Variants in RYR2 observed in about 807,000 individuals in gnomAD.
RYR2 encodes ryanodine receptor 2, also known as cardiac muscle ryanodine receptor-calcium release channel.
In RYR2, 227 loss-of-function variants were observed where a neutral mutation model predicts 601.1. That is an observed-to-expected ratio of 0.38 (90% CI 0.34 to 0.42). The LOEUF (loss-of-function observed/expected upper bound fraction) is 0.42. Ranked by LOEUF, RYR2 falls within the 10% of genes least tolerant of loss-of-function variation. The pLI, the probability that RYR2 is intolerant of heterozygous loss-of-function variation, is 1.00. For synonymous variants in RYR2, 2,223 were observed against 2,175.1 expected (o/e 1.02, Z -0.61); for missense variants, 4,646 against 6,156.5 (o/e 0.75, Z 8.21).
chr1:237,622,241 A>G (rs1266481315), intron 38 of RYR2, among the ~76,000 whole-genome samples: 2 of 152,318 alleles, frequency 1.3e-5, no homozygotes, highest in East Asian at 1.9e-4. Context: ...CATAAATGGT[A>G]AAGTTTCCCG....
chr1:237,387,973 G>C (rs919476422), intron 9 of RYR2, 114 bp from the exon 10 acceptor site: 30 of 958,744 alleles, frequency 3.1e-5, no homozygotes, highest in Non-Finnish European at 4.3e-5. Flanking sequence ...AGGTCCTTAA[G>C]ACTCACTAGA....
chr1:237,213,924 T>C lies in RYR2; in HGVS notation c.49-56573T>C, dbSNP rs867120092. Among the ~76,000 whole-genome samples, 506 of 136,770 alleles carry C rather than the reference T, an allele frequency of 3.7e-3. 4 individuals are homozygous for C. Among genetic ancestry groups the C allele is most frequent in the African/African-American group, 0.014 (475 of 34,784 alleles). 89.7% of individuals were successfully genotyped at this position (136,770 alleles called of 152,430 possible). A position where few individuals can be genotyped will look rare whatever the true frequency, so the allele number is the denominator to read the frequency against. On this transcript the variant is annotated intron_variant, in intron 1 of 104. Coordinates refer to ENST00000366574, the MANE Select transcript of RYR2 (RefSeq NM_001035.3). ...CTTTTTTTTTCTTTTTCTTTTTTTTTTTTTTTTTTTTTTTTAGACAGAGTC... is the reference window on the plus strand; with the variant it reads ...CTTTTTTTTTCTTTTTCTTTTTTTTCTTTTTTTTTTTTTTTAGACAGAGTC...
At chr1:237,636,690 T>C (rs1041023902) in intron 44 of RYR2, among the ~76,000 whole-genome samples, 4 of 152,098 alleles carry the variant, frequency 2.6e-5, no homozygotes, top group African/African-American at 9.7e-5. Flanking sequence ...ATTTACCCAG[T>C]AGAAAGGAAA....
intron 2 of RYR2, among the ~76,000 whole-genome samples, chr1:237,278,245 ATTTTTTTTT>A (rs71561863): frequency 0.022 from 1,486 of 67,060 alleles, 19 homozygotes; most frequent in Non-Finnish European, 0.031. Context: ...TAATTTTTGT[ATTTTTTTTT>A]TTTTTTTTTT....
At chr1:237,206,346 A>G (rs1681818767) in intron 1 of RYR2, among the ~76,000 whole-genome samples, 2 of 152,162 alleles carry the variant, frequency 1.3e-5, no homozygotes, top group Admixed American at 6.5e-5. Context: ...CCTCGAAAAC[A>G]CTTTTATCTC....
chr1:237,611,828 C>G (rs1005015455), intron 36 of RYR2, among the ~76,000 whole-genome samples: 6 of 152,062 alleles, frequency 3.9e-5, no homozygotes, highest in Non-Finnish European at 7.4e-5. Context: ...ATTTTAATAT[C>G]TTTAAAATTT....
rs1452691986 is a variant in RYR2 at position 237,807,412 on chromosome 1, G to A, written c.14298+1129G>A. ...GTCACCCAGGCTGGAATGCGGCGGC[G>A]CGATCTCGGCTCACTGCAACCTCCG... On this transcript the variant is annotated intron_variant, in intron 99 of 104. Transcript: ENST00000366574. Among the ~76,000 whole-genome samples, 6 of 152,138 alleles carry A rather than the reference G, an allele frequency of 3.9e-5. No homozygotes were observed. The East Asian group carries it at 9.6e-4, about 24-fold the overall frequency.
intron 98 of RYR2, among the ~76,000 whole-genome samples, chr1:237,804,540 T>C (rs890943147): frequency 4.6e-5 from 7 of 152,088 alleles, no homozygotes; most frequent in South Asian, 2.1e-4. Flanking sequence ...TGTAGTCCCA[T>C]AAGTAAGAGC....
In RYR2 at chr1:237,617,310, T is replaced by C; in HGVS notation, c.5740T>C (p.Cys1914Arg). The change falls in exon 38 of 105, where the codon TGT becomes CGT. Residue 1914 changes from cysteine (C) to arginine (R), a missense_variant. Around this residue, in one of 17 missense-constraint regions of RYR2, gnomAD observed 1,807 missense variants for 2,088.1 expected, o/e 0.87. Coordinates refer to ENST00000366574, the MANE Select transcript of RYR2 (RefSeq NM_001035.3). ...GATGTGCCTACTGCTTCAGTACCTC[T>C]GTGACTGCCAGGTCCGGCACCGGAT... is the stretch of plus-strand genomic sequence containing the variant. ...LQMCLLLQYL[C>R]DCQVRHRIEA... 6.2e-7 allele frequency: 1 copy of C among 1,613,402 alleles called. No individual in the cohort carries two copies. The highest frequency in any genetic ancestry group is 1.7e-5 in the Admixed American group (1 of 59,882).
intron 1 of RYR2, among the ~76,000 whole-genome samples, chr1:237,125,364 T>G (rs1671293462): frequency 6.6e-6 from 1 of 151,076 alleles, no homozygotes; most frequent in African/African-American, 2.4e-5. Flanking sequence ...TGCCTGTGAC[T>G]CTCATCCACA....
At chr1:237,596,311 A>G (rs1675888865) in intron 34 of RYR2, among the ~76,000 whole-genome samples, 1 of 152,212 alleles carries the variant, frequency 6.6e-6, no homozygotes, top group Non-Finnish European at 1.5e-5. Flanking sequence ...TAGGAAACCA[A>G]TTCATGATCT....
At chr1:237,538,265 A>C (rs947432687) in intron 25 of RYR2, among the ~76,000 whole-genome samples, 1 of 150,782 alleles carries the variant, frequency 6.6e-6, no homozygotes, top group Non-Finnish European at 1.5e-5. Flanking sequence ...CATGGTGGTG[A>C]ACACCTGTAA....
intron 24 of RYR2, among the ~76,000 whole-genome samples, chr1:237,517,681 G>C (rs941156423): frequency 2.0e-5 from 3 of 151,922 alleles, no homozygotes; most frequent in Non-Finnish European, 4.4e-5. Flanking sequence ...TAGGTTCTCA[G>C]CAAAGTTAAA....
chr1:237,442,937 A>G (rs80182232), intron 13 of RYR2, among the ~76,000 whole-genome samples: 4,648 of 152,262 alleles, frequency 0.031, 98 homozygotes, highest in Non-Finnish European at 0.052. Flanking sequence ...GCACACTTAA[A>G]TTGTTGGAAA....
chr1:237,562,149 T>C (rs1010989158), intron 27 of RYR2, among the ~76,000 whole-genome samples: 1 of 152,214 alleles, frequency 6.6e-6, no homozygotes, highest in African/African-American at 2.4e-5. Flanking sequence ...ATTTGAGTTG[T>C]AGTATCTTTG....
chr1:237,365,137 A>G (rs1700084302), intron 5 of RYR2, among the ~76,000 whole-genome samples: 1 of 152,090 alleles, frequency 6.6e-6, no homozygotes. Context: ...TAATTTTTTT[A>G]TCTTAAAAGC....
chr1:237,428,868 A>G (rs1706487827), intron 12 of RYR2, among the ~76,000 whole-genome samples: 1 of 152,130 alleles, frequency 6.6e-6, no homozygotes, highest in Non-Finnish European at 1.5e-5. Context: ...AGCTACGAGG[A>G]GAAACAAACA....
chr1:237,477,187 T>A (rs1177383312), intron 17 of RYR2, among the ~76,000 whole-genome samples: 1 of 152,122 alleles, frequency 6.6e-6, no homozygotes, highest in East Asian at 1.9e-4. Flanking sequence ...GGTCAAGAGA[T>A]GGAGACCATC....
chr1:237,267,216 A>T (rs17678954), intron 1 of RYR2, among the ~76,000 whole-genome samples: 51,945 of 152,108 alleles, frequency 0.34, 11,165 homozygotes, highest in Non-Finnish European at 0.46. Context: ...TATATCATAT[A>T]TCAAAAAGAT....
Sources: gnomAD v4.1 joint callset for allele counts (sites outside exome capture counted in the v4.1 genomes callset) on GRCh38, gnomAD v4.1.1 for gene constraint, gnomAD v4.1.1 regional missense constraint, MANE v1.5 for transcripts, NCBI Gene and HGNC (gene_info 2026-07-23, HGNC 2026-07-21) for gene names.